ATRNL1: variants seen among roughly 807,000 people sequenced by gnomAD.
ATRNL1 encodes attractin like 1, also known as attractin-like protein 1.
In ATRNL1, 95 loss-of-function variants were observed where a neutral mutation model predicts 182.7. The observed-to-expected ratio is 0.52, with a 90% CI of 0.44 to 0.62. The LOEUF is 0.62. Among genes scored for constraint, ATRNL1 ranks in the 20% least tolerant of loss-of-function variants. ATRNL1 has a pLI of 0.00. For missense variants in ATRNL1, 1,471 were observed against 1,679.5 expected, an observed-to-expected ratio of 0.88 and a Z score of 2.17; for synonymous variants, 576 against 568.3, an observed-to-expected ratio of 1.01 and a Z score of -0.19.
chr10:115,784,044 G>T (rs557878963), intron 27 of ATRNL1, among the ~76,000 whole-genome samples: 1 of 152,032 alleles, frequency 6.6e-6, no homozygotes, highest in Admixed American at 6.6e-5. Context: ...AAAATGATTC[G>T]GAGTCAGAAC....
Position 115,308,915 on chromosome 10 carries a change from T to A in ATRNL1, c.2819-6603T>A, listed in dbSNP as rs141761769. ...GTTAGATTTAAATCTTTAATCCATCTTGAGTTGATTTTTGTATATGGTGAG... is the reference window on the plus strand; with the variant it reads ...GTTAGATTTAAATCTTTAATCCATCATGAGTTGATTTTTGTATATGGTGAG... On this transcript the variant is annotated intron_variant, in intron 17 of 28. Coordinates refer to ENST00000355044, the MANE Select transcript of ATRNL1 (RefSeq NM_207303.4). Among the ~76,000 whole-genome samples the A allele has an allele frequency of 6.8e-3, 1,034 of 152,266 alleles. 4 individuals carry two copies. The highest frequency in any genetic ancestry group is 7.4e-3 in the Non-Finnish European group (506 of 67,996).
intron 27 of ATRNL1, among the ~76,000 whole-genome samples, chr10:115,736,859 G>A (rs12767301): frequency 0.95 from 144,003 of 152,038 alleles, 68,671 homozygotes; most frequent in East Asian, 1. Flanking sequence ...CCTCTGCCTC[G>A]CAGGTTCAGG....
In ATRNL1 at chr10:115,108,774, C is replaced by T. The variant is rs74159839; in HGVS notation, c.294-11411C>T. On this transcript the variant is annotated intron_variant, in intron 1 of 28. Coordinates refer to ENST00000355044, the MANE Select transcript of ATRNL1 (RefSeq NM_207303.4). Reference sequence around the variant, plus strand: ...CTTGTTAGAAAATGATTTGGGGCTGCTTTTCATTGAAAAGGAAAGCCTTAC... The same window carrying T: ...CTTGTTAGAAAATGATTTGGGGCTGTTTTTCATTGAAAAGGAAAGCCTTAC... 3.6e-3 allele frequency among the ~76,000 whole-genome samples: 552 copies of T among 152,248 alleles called. 3 individuals are homozygous for T. The highest frequency in any genetic ancestry group is 0.013 in the African/African-American group (524 of 41,540).
intron 20 of ATRNL1, among the ~76,000 whole-genome samples, chr10:115,404,596 G>T (rs1675385740): frequency 6.6e-6 from 1 of 152,146 alleles, no homozygotes; most frequent in Non-Finnish European, 1.5e-5. Context: ...AGATTTTAAG[G>T]TTGCTTGCTA....
At chr10:115,334,196 C>G (rs931498557) in intron 18 of ATRNL1, 86 bp from the exon 19 acceptor site, 8 of 922,264 alleles carry the variant, frequency 8.7e-6, no homozygotes, top group Non-Finnish European at 1.2e-5. Context: ...TACAATCCAG[C>G]TTTTTAAGAT....
At chr10:115,160,691 T>C (rs10466204) in intron 6 of ATRNL1, among the ~76,000 whole-genome samples, 3,788 of 152,090 alleles carry the variant, frequency 0.025, 157 homozygotes, top group African/African-American at 0.086. Flanking sequence ...GTTGGCTCAA[T>C]AGAGATTGTT....
intron 15 of ATRNL1, among the ~76,000 whole-genome samples, chr10:115,299,072 T>C (rs889952506): frequency 5.9e-5 from 9 of 151,918 alleles, no homozygotes; most frequent in African/African-American, 2.2e-4. Flanking sequence ...TCTATCCTGG[T>C]ACTCCATAAT....
At chr10:115,124,953 T>G (rs782641697) in intron 3 of ATRNL1, among the ~76,000 whole-genome samples, 5 of 152,294 alleles carry the variant, frequency 3.3e-5, no homozygotes, top group South Asian at 2.1e-4. Context: ...AATTTCAAAA[T>G]AAATAACTAA....
chr10:115,857,562 C>T (rs1445068265), intron 28 of ATRNL1, among the ~76,000 whole-genome samples: 1 of 152,208 alleles, frequency 6.6e-6, no homozygotes, highest in African/African-American at 2.4e-5. Context: ...GAGGACAGCA[C>T]AAGCTTTTTC....
chr10:115,616,251 C>T lies in ATRNL1; in HGVS notation c.3795+66715C>T, dbSNP rs140594475. Among the ~76,000 whole-genome samples the T allele has an allele frequency of 5.0e-3, 763 of 152,230 alleles. 7 individuals carry two copies. Among genetic ancestry groups the T allele is most frequent in the African/African-American group, 0.017 (724 of 41,548 alleles). On this transcript the variant is annotated intron_variant, in intron 26 of 28. Transcript: ENST00000355044. ...ACTTGGTAATGATGATTTAGGTTAT[C>T]TGGTGGAAGAAATTTCTAAGCAACA...
chr10:115,413,405 T>A (rs1433173045), intron 20 of ATRNL1, among the ~76,000 whole-genome samples: 4 of 152,160 alleles, frequency 2.6e-5, no homozygotes, highest in South Asian at 2.1e-4. Context: ...TCTTGCCTAA[T>A]CTTAATTTTT....
At chr10:115,789,177 G>A (rs1555081105) in intron 27 of ATRNL1, among the ~76,000 whole-genome samples, 1 of 152,170 alleles carries the variant, frequency 6.6e-6, no homozygotes, top group Admixed American at 6.5e-5. Flanking sequence ...GTCCCTGCAG[G>A]TTTTATGCCC....
intron 21 of ATRNL1, among the ~76,000 whole-genome samples, chr10:115,443,761 C>T (rs1846819523): frequency 6.6e-6 from 1 of 152,002 alleles, no homozygotes; most frequent in Admixed American, 6.6e-5. Context: ...ATTTTATCAG[C>T]CCCATCTCCG....
intron 27 of ATRNL1, among the ~76,000 whole-genome samples, chr10:115,754,116 G>A (rs1948522206): frequency 2.0e-5 from 3 of 152,182 alleles, no homozygotes; most frequent in Admixed American, 1.3e-4. Context: ...CTCCCATTCT[G>A]TAGGTTGCCT....
intron 10 of ATRNL1, among the ~76,000 whole-genome samples, chr10:115,257,942 C>G (rs1157317109): frequency 6.6e-6 from 1 of 152,184 alleles, no homozygotes; most frequent in African/African-American, 2.4e-5. Context: ...GGCCCTTAGT[C>G]TCTTCTGGCT....
At position 115,911,563 on chromosome 10, in the gene ATRNL1, C is replaced by G. The variant is rs1555115916; in HGVS notation, c.4019-33095C>G. 3.9e-5 allele frequency among the ~76,000 whole-genome samples: 6 copies of G among 152,308 alleles called. No individual in the cohort carries two copies. In the East Asian group the frequency reaches 9.7e-4, roughly 25 times the overall value. Reference sequence around the variant, plus strand: ...CGAACTCCTCAGGTGGTCCACCCACCTCAGCTTCCCAAAGTGCTGGGATTA... The same window carrying G: ...CGAACTCCTCAGGTGGTCCACCCACGTCAGCTTCCCAAAGTGCTGGGATTA... On this transcript the variant is annotated intron_variant, in intron 28 of 28. Coordinates refer to ENST00000355044, the MANE Select transcript of ATRNL1 (RefSeq NM_207303.4).
At chr10:115,871,204 G>A (rs1281647540) in intron 28 of ATRNL1, among the ~76,000 whole-genome samples, 3 of 151,838 alleles carry the variant, frequency 2.0e-5, no homozygotes, top group Non-Finnish European at 4.4e-5. Context: ...CTGGGGACAA[G>A]GACCATTAGC....
At chr10:115,100,349 A>G (rs1350316449) in intron 1 of ATRNL1, among the ~76,000 whole-genome samples, 1 of 152,094 alleles carries the variant, frequency 6.6e-6, no homozygotes, top group Non-Finnish European at 1.5e-5. Flanking sequence ...CAAGTTGATG[A>G]AGATTTTCTT....
intron 13 of ATRNL1, among the ~76,000 whole-genome samples, chr10:115,268,765 A>G (rs1404404762): frequency 1.2e-4 from 18 of 152,228 alleles, no homozygotes; most frequent in Admixed American, 7.2e-4. Flanking sequence ...ATAAGATTAT[A>G]TAGGTAGGTA....
Sources: gnomAD v4.1 joint callset for allele counts (sites outside exome capture counted in the v4.1 genomes callset) on GRCh38, gnomAD v4.1.1 for gene constraint, MANE v1.5 for transcripts, NCBI Gene and HGNC (gene_info 2026-07-23, HGNC 2026-07-21) for gene names.